Variants in CAT observed in about 807,000 individuals in gnomAD.
CAT encodes epididymis secretory sperm binding protein.
CAT carries 43 observed loss-of-function variants against 59.0 expected under a neutral mutation model. The observed-to-expected ratio is 0.73, with a 90% CI of 0.57 to 0.94. CAT has a LOEUF of 0.94. Ranked by LOEUF, CAT falls within the 40% of genes least tolerant of loss-of-function variation. The probability of loss-of-function intolerance (pLI) is 0.00; values close to 1 mark genes in which losing one functional copy is unlikely to be tolerated. For synonymous variants in CAT, 218 were observed against 230.9 expected (o/e 0.94, Z 0.51); for missense variants, 664 against 682.9 (o/e 0.97, Z 0.31).
chr11:34,455,927 C>T (rs35834969), intron 6 of CAT, 84 bp from the exon 7 acceptor site: 12 of 1,126,442 alleles, frequency 1.1e-5, no homozygotes, highest in African/African-American at 4.6e-5. Flanking sequence ...CAGTGTTACT[C>T]ATAATCCTTC....
In CAT at chr11:34,446,804, C is replaced by T. The variant is rs143940901; in HGVS notation, c.67-2388C>T. ...TTGCCCAGGCTGGAGTGCAATGGCA[C>T]GATCTCAGCTCACCGCAACCTCCGC... On this transcript the variant is annotated intron_variant, in intron 1 of 12. Transcript: ENST00000241052. Among the ~76,000 whole-genome samples, 243 of 151,728 alleles carry T rather than the reference C, an allele frequency of 1.6e-3. 7 individuals carry two copies. In the East Asian group the frequency reaches 0.046, roughly 29 times the overall value.
chr11:34,453,544 C>T (rs1277920270), intron 5 of CAT, among the ~76,000 whole-genome samples: 2 of 152,122 alleles, frequency 1.3e-5, no homozygotes, highest in African/African-American at 4.8e-5. Flanking sequence ...CAAATTAGGC[C>T]AGTTTTCAGG....
In CAT at chr11:34,451,021, T is replaced by G; in HGVS notation, c.272T>G (p.Ile91Ser). ...GGCTACTTTGAGGTCACACATGACA[T>G]TACCAAATACTCCAAGGCAAAGGTA... ...AFGYFEVTHD[I>S]TKYSKAKVFE... Residue 91 changes from isoleucine (I) to serine (S), a missense_variant, in exon 3 of 13, where the codon ATT becomes AGT. Physicochemically the swap from Ile to Ser is moderately radical, Grantham distance 142 (BLOSUM62 -2). Transcript: ENST00000241052. The G allele has an allele frequency of 6.2e-7, 1 of 1,613,726 alleles. No individual in the cohort carries two copies. Among genetic ancestry groups the G allele is most frequent in the East Asian group, 2.2e-5 (1 of 44,880 alleles).
chr11:34,466,419 C>G (rs533156536), intron 10 of CAT, among the ~76,000 whole-genome samples: 2 of 152,144 alleles, frequency 1.3e-5, no homozygotes, highest in East Asian at 3.9e-4. Flanking sequence ...AGAAACAAAC[C>G]TAATGGAGGC....
rs1192051375 is a variant in CAT, at chr11:34,449,275, T to G, written c.150T>G (p.Leu50=). ...NVITVGPRGP[L]LVQDVVFTDE... The stretch of plus-strand genomic sequence containing the variant: ...TTACAGTAGGGCCCCGTGGGCCCCT[T>G]CTTGTTCAGGATGTGGTTTTCACTG... Residue 50 remains leucine, a synonymous_variant, in exon 2 of 13, where the codon CTT becomes CTG. Transcript: ENST00000241052. The G allele has an allele frequency of 3.7e-6, 6 of 1,613,798 alleles. No individual in the cohort carries two copies. In the African/African-American group the frequency reaches 8.0e-5, roughly 22 times the overall value.
chr11:34,471,758 A>T lies in CAT; in HGVS notation c.*325A>T, dbSNP rs1000102164. 1 of 362,770 alleles carries T rather than the reference A, an allele frequency of 2.8e-6. No individual in the cohort carries two copies. Among genetic ancestry groups the T allele is most frequent in the Non-Finnish European group, 5.3e-6 (1 of 190,226 alleles). 22.5% of individuals were successfully genotyped at this position (362,770 alleles called of 1,614,324 possible). ...ATTTGTTGAAATTATGTATGTTTAC[A>T]TATCACCTCATGGCCTATTATATTA... is the stretch of plus-strand genomic sequence containing the variant. On this transcript the variant is annotated 3_prime_UTR_variant, in exon 13 of 13. Coordinates refer to ENST00000241052, the MANE Select transcript of CAT (RefSeq NM_001752.4).
intron 8 of CAT, chr11:34,460,965 G>T: frequency 2.2e-6 from 1 of 458,890 alleles, no homozygotes; most frequent in East Asian, 4.6e-5. Flanking sequence ...TATAAGACAA[G>T]ACACTAACTT....
intron 11 of CAT, among the ~76,000 whole-genome samples, chr11:34,470,051 C>G (rs1207645314): frequency 6.6e-6 from 1 of 152,114 alleles, no homozygotes. Context: ...CAATTCAATT[C>G]TAACAGTAGC....
At chr11:34,465,780 G>T (rs1856708070) in intron 10 of CAT, among the ~76,000 whole-genome samples, 1 of 152,180 alleles carries the variant, frequency 6.6e-6, no homozygotes, top group Admixed American at 6.5e-5. Context: ...TGGCAGACTA[G>T]CTTGTATCTT....
chr11:34,450,140 A>G (rs1856506049), intron 2 of CAT, among the ~76,000 whole-genome samples: 1 of 152,222 alleles, frequency 6.6e-6, no homozygotes, highest in Admixed American at 6.5e-5. Context: ...TCAACGTTAT[A>G]ATGAAACAAC....
chr11:34,464,605 A>T (rs533189603), intron 10 of CAT, among the ~76,000 whole-genome samples: 1 of 152,114 alleles, frequency 6.6e-6, no homozygotes, highest in South Asian at 2.1e-4. Context: ...CTAGAACTAG[A>T]GATCCAAAAT....
intron 8 of CAT, among the ~76,000 whole-genome samples, chr11:34,459,313 C>T (rs958879064): frequency 3.9e-5 from 6 of 152,126 alleles, no homozygotes; most frequent in Non-Finnish European, 8.8e-5. Flanking sequence ...CTGCTGAGAG[C>T]TCATGAGTAT....
chr11:34,448,322 T>C (rs1173163910), intron 1 of CAT, among the ~76,000 whole-genome samples: 2 of 152,306 alleles, frequency 1.3e-5, no homozygotes, highest in Admixed American at 6.5e-5. Context: ...TAGCTTTGCG[T>C]CACTTACGTG....
chr11:34,470,230 T>G (rs1314092825), intron 11 of CAT, among the ~76,000 whole-genome samples: 1 of 152,144 alleles, frequency 6.6e-6, no homozygotes, highest in Admixed American at 6.5e-5. Context: ...GAAAATGATT[T>G]ACTTATGATT....
At chr11:34,471,343 T>C in intron 12 of CAT, 25 bp from the exon 13 acceptor site, 1 of 1,600,060 alleles carries the variant, frequency 6.2e-7, no homozygotes, top group Non-Finnish European at 8.6e-7. Flanking sequence ...GTGATTAACC[T>C]GCTCATCTTG....
At position 34,449,353 on chromosome 11, in the gene CAT, T is replaced by C. The variant is rs1480941968; in HGVS notation, c.228T>C (p.Ala76=). ...RERIPERVVH[A]KGAGAFGYFE... is the part of the protein sequence containing the mutation. ...GAATTCCTGAGAGAGTTGTGCATGC[T>C]AAAGGAGCAGGTAAGTGCTGTGTTT... The change falls in exon 2 of 13, where the codon GCT becomes GCC. Residue 76 remains alanine, a synonymous_variant. Transcript: ENST00000241052. 6.2e-7 allele frequency: 1 copy of C among 1,613,024 alleles called. No homozygotes were observed. The highest frequency in any genetic ancestry group is 8.5e-7 in the Non-Finnish European group (1 of 1,178,986).
At chr11:34,441,237 A>T (rs1203180829) in intron 1 of CAT, among the ~76,000 whole-genome samples, 1 of 152,180 alleles carries the variant, frequency 6.6e-6, no homozygotes, top group East Asian at 1.9e-4. Context: ...TAAATGAAAA[A>T]TTTCAAATAT....
At chr11:34,468,479 C>A in intron 11 of CAT, 84 bp downstream of exon 11, 1 of 977,632 alleles carries the variant, frequency 1.0e-6, no homozygotes, top group Non-Finnish European at 1.7e-6. Flanking sequence ...AAAGAAAGTG[C>A]CATTTCTGTT....
intron 2 of CAT, 46 bp from the exon 3 acceptor site, chr11:34,450,938 ATGTC>A: frequency 8.1e-7 from 1 of 1,237,536 alleles, no homozygotes; most frequent in East Asian, 2.3e-5. Flanking sequence ...GAGGACCTGA[ATGTC>A]TGAGTAATGG....
Sources: allele counts gnomAD v4.1 joint callset (sites outside exome capture counted in the v4.1 genomes callset), GRCh38; gene constraint gnomAD v4.1.1; transcripts MANE v1.5; gene names NCBI Gene and HGNC (gene_info 2026-07-23, HGNC 2026-07-21).